The following KCNH5 variants were observed in gnomAD, a reference collection of about 807,000 sequenced individuals.
KCNH5 encodes the protein voltage-gated delayed rectifier potassium channel KCNH5.
In KCNH5, 46 loss-of-function variants were observed where a neutral mutation model predicts 96.1. The ratio of observed to expected loss-of-function variants is 0.48; its 90% CI spans 0.38 to 0.61. The LOEUF is 0.61. Ranked by LOEUF, KCNH5 falls within the 20% of genes least tolerant of loss-of-function variation. The pLI is 0.00. For synonymous variants in KCNH5, 439 were observed against 449.8 expected (o/e 0.98, Z 0.30); for missense variants, 907 against 1,225.8 (o/e 0.74, Z 3.88).
intron 10 of KCNH5, among the ~76,000 whole-genome samples, chr14:62,762,296 C>A (rs1048567069): frequency 3.3e-5 from 5 of 152,148 alleles, no homozygotes; most frequent in Admixed American, 1.3e-4. Context: ...CTGAGTGAAC[C>A]CTGTCTTCTA....
At chr14:62,939,088 C>T (rs80194194) in intron 7 of KCNH5, among the ~76,000 whole-genome samples, 2,947 of 152,236 alleles carry the variant, frequency 0.019, 59 homozygotes, top group East Asian at 0.081. Flanking sequence ...GTGGCTCTCT[C>T]CCCTCAACTA....
intron 6 of KCNH5, among the ~76,000 whole-genome samples, chr14:62,955,475 A>G (rs1479978262): frequency 6.6e-6 from 1 of 152,226 alleles, no homozygotes; most frequent in East Asian, 1.9e-4. Flanking sequence ...CTATCATTAA[A>G]GCATGGCCCA....
rs186580682 is a variant in KCNH5, at chr14:62,703,646, G to A, written c.*3862C>T. On this transcript the variant is annotated 3_prime_UTR_variant, in exon 11 of 11. Transcript: ENST00000322893. ...GACTTAAGGTGTTTTCCAAAAGACTGTTTTTGTCTTTTCCCCCTTTCCATT... is the reference window on the plus strand; with the variant it reads ...GACTTAAGGTGTTTTCCAAAAGACTATTTTTGTCTTTTCCCCCTTTCCATT... 4.0e-5 allele frequency: 6 copies of A among 151,882 alleles called. No individual in the cohort carries two copies. Among genetic ancestry groups the A allele is most frequent in the Non-Finnish European group, 8.9e-5 (6 of 67,732 alleles). The allele number at this position is 151,882 out of a possible 1,614,324, so 9.4% of individuals were successfully genotyped here.
chr14:62,805,584 C>T (rs1026731079), intron 8 of KCNH5, among the ~76,000 whole-genome samples: 1 of 152,024 alleles, frequency 6.6e-6, no homozygotes, highest in African/African-American at 2.4e-5. Context: ...ACAGTCTTAG[C>T]CAAGGCAAAA....
At chr14:62,779,632 T>A (rs1886166460) in intron 10 of KCNH5, 96 bp downstream of exon 10, 1 of 1,034,350 alleles carries the variant, frequency 9.7e-7, no homozygotes, top group African/African-American at 1.6e-5. Context: ...AATTTAGTGC[T>A]GCAAAACAAA....
intron 8 of KCNH5, among the ~76,000 whole-genome samples, chr14:62,824,712 T>C (rs1299872922): frequency 6.6e-6 from 1 of 152,078 alleles, no homozygotes; most frequent in Admixed American, 6.6e-5. Context: ...CGAATGATCT[T>C]GTCACCCAGG....
chr14:62,938,716 T>G (rs1036918200), intron 7 of KCNH5, among the ~76,000 whole-genome samples: 1 of 152,228 alleles, frequency 6.6e-6, no homozygotes, highest in East Asian at 1.9e-4. Context: ...CAGGTGACAG[T>G]GTGTCCTGAA....
intron 8 of KCNH5, among the ~76,000 whole-genome samples, chr14:62,814,201 G>A (rs141437859): frequency 1.8e-3 from 270 of 152,130 alleles, no homozygotes; most frequent in African/African-American, 6.2e-3. Flanking sequence ...CAGAATCATC[G>A]TGAACCAATT....
chr14:62,874,363 A>C (rs969185184), intron 7 of KCNH5, among the ~76,000 whole-genome samples: 2 of 152,228 alleles, frequency 1.3e-5, no homozygotes, highest in Admixed American at 1.3e-4. Flanking sequence ...ACATATGTAA[A>C]AAAGCTCAAC....
chr14:62,762,157 G>A lies in KCNH5; in HGVS notation c.2019+17571C>T, dbSNP rs113381506. Reference sequence around the variant, plus strand: ...AGCCCAGAGAGTTTGGCTTGGGAAAGTCAGAGAATGGCTGGGGACACCCGT... The same window carrying A: ...AGCCCAGAGAGTTTGGCTTGGGAAAATCAGAGAATGGCTGGGGACACCCGT... On this transcript the variant is annotated intron_variant, in intron 10 of 10. Coordinates refer to ENST00000322893, the MANE Select transcript of KCNH5 (RefSeq NM_139318.5). Among the ~76,000 whole-genome samples, 846 of 152,176 alleles carry A rather than the reference G, an allele frequency of 5.6e-3. 6 individuals are homozygous for A. The highest frequency in any genetic ancestry group is 0.02 in the African/African-American group (816 of 41,514).
At chr14:63,037,975 C>A (rs1466713937) in intron 1 of KCNH5, among the ~76,000 whole-genome samples, 1 of 152,088 alleles carries the variant, frequency 6.6e-6, no homozygotes, top group Non-Finnish European at 1.5e-5. Flanking sequence ...ACAACTGAAA[C>A]AAAAATGGTA....
At chr14:63,045,005 G>T in intron 1 of KCNH5, 109 bp downstream of exon 1, 1 of 898,570 alleles carries the variant, frequency 1.1e-6, no homozygotes, top group Non-Finnish European at 1.8e-6. Flanking sequence ...CACCAGGTAA[G>T]GCTGCCTGCA....
chr14:62,858,846 ATT>A (rs1405237702), intron 7 of KCNH5, among the ~76,000 whole-genome samples: 7 of 152,204 alleles, frequency 4.6e-5, no homozygotes, highest in Admixed American at 4.6e-4. Context: ...CCTGCAAAGT[ATT>A]ATCACCTAAT....
intron 6 of KCNH5, among the ~76,000 whole-genome samples, chr14:62,951,804 A>C (rs1438605982): frequency 1.3e-5 from 2 of 151,888 alleles, no homozygotes; most frequent in South Asian, 2.1e-4. Context: ...CTACTAAAAA[A>C]ACTCAAAAAT....
At chr14:62,954,563 T>G (rs1205074717) in intron 6 of KCNH5, among the ~76,000 whole-genome samples, 3 of 152,182 alleles carry the variant, frequency 2.0e-5, no homozygotes, top group African/African-American at 4.8e-5. Flanking sequence ...TCAGAATGAT[T>G]TAACAGTATA....
At chr14:62,840,773 T>C (rs1015803128) in intron 8 of KCNH5, among the ~76,000 whole-genome samples, 1 of 151,928 alleles carries the variant, frequency 6.6e-6, no homozygotes, top group African/African-American at 2.4e-5. Context: ...TTTCACCATG[T>C]TGTCCAGGAT....
chr14:62,719,321 T>C (rs952379150), intron 10 of KCNH5, among the ~76,000 whole-genome samples: 20 of 152,240 alleles, frequency 1.3e-4, no homozygotes, highest in African/African-American at 4.6e-4. Flanking sequence ...TGCATGGCCC[T>C]GCATATCTGC....
chr14:62,772,482 CA>C (rs1321095227), intron 10 of KCNH5, among the ~76,000 whole-genome samples: 1 of 151,672 alleles, frequency 6.6e-6, no homozygotes, highest in Non-Finnish European at 1.5e-5. Context: ...ACTAAAAATA[CA>C]AAAATTAGCC....
chr14:62,808,142 T>A (rs568254407), intron 8 of KCNH5, among the ~76,000 whole-genome samples: 11 of 152,136 alleles, frequency 7.2e-5, no homozygotes, highest in Non-Finnish European at 1.6e-4. Flanking sequence ...TTGAGACTAC[T>A]GAAGATACAG....
Sources: allele counts gnomAD v4.1 joint callset (sites outside exome capture counted in the v4.1 genomes callset), GRCh38; gene constraint gnomAD v4.1.1; transcripts MANE v1.5; gene names NCBI Gene and HGNC (gene_info 2026-07-23, HGNC 2026-07-21).